The following ELP4 variants were observed in gnomAD, a reference collection of about 807,000 sequenced individuals.
The protein encoded by ELP4 is elongator acetyltransferase complex subunit 4, also known as elongator complex protein 4.
A neutral mutation model predicts 48.9 loss-of-function variants in ELP4; 51 were observed. The observed-to-expected ratio is 1.04, with a 90% CI of 0.83 to 1.32. The LOEUF is 1.32. Among genes scored for constraint, ELP4 ranks in the 40% most tolerant of loss-of-function variants. The pLI is 0.00. For missense variants in ELP4, 519 were observed against 514.6 expected (o/e 1.01, Z -0.08); for synonymous variants, 210 against 189.2 (o/e 1.11, Z -0.90).
At chr11:31,647,542 A>G (rs904235755) in intron 7 of ELP4, 199 bp from the exon 8 acceptor site, 1 of 434,800 alleles carries the variant, frequency 2.3e-6, no homozygotes, top group Admixed American at 3.8e-5. Flanking sequence ...GAATAGCATG[A>G]CTACATGGGC....
At position 31,787,031 on chromosome 11, in the gene ELP4, T is replaced by TAGAC. The variant is rs1948692113; in HGVS notation, c.*3508_*3509insGACA. The TAGAC allele has an allele frequency of 1.1e-5, 1 of 92,988 alleles. No homozygotes were observed. The highest frequency in any genetic ancestry group is 1.9e-4 in the African/African-American group (1 of 5,178). The allele number at this position is 92,988 out of a possible 1,614,324, so 5.8% of individuals were successfully genotyped here. A position where few individuals can be genotyped will look rare whatever the true frequency, so the allele number is the denominator to read the frequency against. On this transcript the variant is annotated 3_prime_UTR_variant, in exon 10 of 10. Transcript: ENST00000640961. ...AATATATGTATCGTTAAATAAATAATAAACAAAAATTATTTCAACAATGAG... is the reference window on the plus strand; with the variant it reads ...AATATATGTATCGTTAAATAAATAATAGACAAACAAAAATTATTTCAACAATGAG...
intron 3 of ELP4, chr11:31,580,560 T>A (rs1957372186): frequency 6.6e-6 from 1 of 152,456 alleles, no homozygotes; most frequent in African/African-American, 2.4e-5. Context: ...ATAATACCAT[T>A]CACACACCAT....
At chr11:31,647,436 A>C (rs1344144666) in intron 7 of ELP4, 1 of 239,198 alleles carries the variant, frequency 4.2e-6, no homozygotes, top group African/African-American at 2.3e-5. Context: ...CTTGTTCCTT[A>C]ATACAAGTGA....
chr11:31,670,718 G>T (rs1052718537), intron 9 of ELP4, among the ~76,000 whole-genome samples: 1 of 152,028 alleles, frequency 6.6e-6, no homozygotes, highest in African/African-American at 2.4e-5. Context: ...CAAAAGTCAT[G>T]TTTCTCAGAT....
At chr11:31,729,232 G>A (rs1221184850) in intron 9 of ELP4, among the ~76,000 whole-genome samples, 1 of 152,162 alleles carries the variant, frequency 6.6e-6, no homozygotes, top group Non-Finnish European at 1.5e-5. Flanking sequence ...GATGTCTACT[G>A]TAAGTTATAA....
intron 7 of ELP4, among the ~76,000 whole-genome samples, chr11:31,640,605 G>A (rs1945075016): frequency 2.0e-5 from 3 of 151,884 alleles, no homozygotes; most frequent in Non-Finnish European, 4.4e-5. Flanking sequence ...TGTTGGGAAG[G>A]ACAGGGGAGA....
intron 9 of ELP4, among the ~76,000 whole-genome samples, chr11:31,771,840 G>T (rs145653210): frequency 6.6e-6 from 1 of 152,130 alleles, no homozygotes; most frequent in Non-Finnish European, 1.5e-5. Flanking sequence ...TTAGCCGGGC[G>T]TGGTGGCGGC....
intron 8 of ELP4, 151 bp from the exon 9 acceptor site, chr11:31,649,964 A>G (rs1945286010): frequency 2.2e-6 from 1 of 462,458 alleles, no homozygotes; most frequent in East Asian, 3.3e-5. Context: ...TAATCACACC[A>G]TTTGCTTCAT....
At chr11:31,742,146 G>A (rs1471025374) in intron 9 of ELP4, among the ~76,000 whole-genome samples, 3 of 152,204 alleles carry the variant, frequency 2.0e-5, no homozygotes, top group South Asian at 2.1e-4. Context: ...AAGGGTATCA[G>A]TGATGGAAGA....
chr11:31,624,475 G>A (rs118132096), intron 5 of ELP4, among the ~76,000 whole-genome samples: 2 of 151,534 alleles, frequency 1.3e-5, no homozygotes, highest in Admixed American at 6.6e-5. Flanking sequence ...GACACTTACC[G>A]AGAATGGAGC....
chr11:31,619,275 G>A (rs1944564215), intron 5 of ELP4, among the ~76,000 whole-genome samples: 1 of 151,982 alleles, frequency 6.6e-6, no homozygotes, highest in Non-Finnish European at 1.5e-5. Context: ...GAGGTACTGG[G>A]TTGGTATAGG....
chr11:31,537,547 G>C (rs1359558076), intron 2 of ELP4, among the ~76,000 whole-genome samples: 1 of 152,140 alleles, frequency 6.6e-6, no homozygotes, highest in Non-Finnish European at 1.5e-5. Flanking sequence ...AGGTTTAATT[G>C]GCTCATGGTT....
At chr11:31,549,650 G>A (rs551855935) in intron 3 of ELP4, among the ~76,000 whole-genome samples, 56 of 152,180 alleles carry the variant, frequency 3.7e-4, no homozygotes, top group Non-Finnish European at 6.2e-4. Flanking sequence ...TATACCCAAA[G>A]GACTATAAAT....
At chr11:31,714,470 C>G (rs1946801519) in intron 9 of ELP4, among the ~76,000 whole-genome samples, 1 of 152,150 alleles carries the variant, frequency 6.6e-6, no homozygotes, top group African/African-American at 2.4e-5. Context: ...ACTGTTGACT[C>G]ATATTGTTAC....
chr11:31,752,838 A>C (rs1168851948), intron 9 of ELP4, among the ~76,000 whole-genome samples: 3 of 151,520 alleles, frequency 2.0e-5, no homozygotes, highest in Non-Finnish European at 3.0e-5. Context: ...CATCTCAAAA[A>C]AAAAAAAAAA....
intron 3 of ELP4, among the ~76,000 whole-genome samples, chr11:31,554,895 T>A (rs945584982): frequency 1.3e-5 from 2 of 152,184 alleles, no homozygotes; most frequent in Non-Finnish European, 2.9e-5. Context: ...TCTTAAGCAT[T>A]AGATTTGTTT....
intron 4 of ELP4, among the ~76,000 whole-genome samples, chr11:31,595,685 G>A (rs2133990817): frequency 6.6e-6 from 1 of 152,192 alleles, no homozygotes; most frequent in East Asian, 1.9e-4. Context: ...ATAAATAGCA[G>A]ACTGTAGTAC....
chr11:31,666,004 CTTTTTTTTTTTT>C (rs35902758), intron 9 of ELP4, among the ~76,000 whole-genome samples: 1 of 85,332 alleles, frequency 1.2e-5, no homozygotes, highest in African/African-American at 5.1e-5. Context: ...GTTTCAAATT[CTTTTTTTTTTTT>C]TTTTTTTTTT....
chr11:31,515,595 T>C (rs1956096548), intron 1 of ELP4, among the ~76,000 whole-genome samples: 1 of 152,118 alleles, frequency 6.6e-6, no homozygotes, highest in Non-Finnish European at 1.5e-5. Flanking sequence ...GCCTGGGAGG[T>C]TCGAGCTGCA....
Sources: gnomAD v4.1 joint callset for allele counts (sites outside exome capture counted in the v4.1 genomes callset) on GRCh38, gnomAD v4.1.1 for gene constraint, MANE v1.5 for transcripts, NCBI Gene and HGNC (gene_info 2026-07-23, HGNC 2026-07-21) for gene names.